The following LRP6 variants were observed in gnomAD, a reference collection of about 807,000 sequenced individuals.
LRP6 encodes low-density lipoprotein receptor-related protein 6.
In LRP6, 43 loss-of-function variants were observed where a neutral mutation model predicts 184.1. The observed-to-expected ratio is 0.23, with a 90% CI of 0.18 to 0.30. The LOEUF (loss-of-function observed/expected upper bound fraction) is 0.30. Ranked by LOEUF, LRP6 falls within the 10% of genes least tolerant of loss-of-function variation. LRP6 has a pLI of 1.00. For missense variants in LRP6, 1,571 were observed against 2,005.3 expected, an observed-to-expected ratio of 0.78 and a Z score of 4.14; for synonymous variants, 719 against 684.9, an observed-to-expected ratio of 1.05 and a Z score of -0.78.
chr12:12,230,548 T>C (rs892170203), intron 2 of LRP6, among the ~76,000 whole-genome samples: 44 of 152,132 alleles, frequency 2.9e-4, no homozygotes, highest in African/African-American at 1.0e-3. Context: ...TCATAAATCA[T>C]GTCATGATCC....
intron 1 of LRP6, among the ~76,000 whole-genome samples, chr12:12,259,362 T>C (rs554392819): frequency 7.9e-5 from 12 of 152,256 alleles, no homozygotes; most frequent in African/African-American, 2.9e-4. Flanking sequence ...CATAACTTAA[T>C]GTAGTTTTCT....
At chr12:12,184,266 AG>A in intron 4 of LRP6, among the ~76,000 whole-genome samples, 155 bp from the exon 5 acceptor site, 1 of 152,358 alleles carries the variant, frequency 6.6e-6, no homozygotes, top group African/African-American at 2.4e-5. Context: ...GGAATTAATC[AG>A]TGTGAATTTA....
At chr12:12,222,579 G>C (rs66531650) in intron 2 of LRP6, among the ~76,000 whole-genome samples, 2 of 144,248 alleles carry the variant, frequency 1.4e-5, no homozygotes, top group Non-Finnish European at 3.1e-5. Flanking sequence ...AAAAAAAAAA[G>C]AAAGAAAGAA....
chr12:12,170,141 C>T (rs1260398906), intron 7 of LRP6, among the ~76,000 whole-genome samples: 2 of 152,118 alleles, frequency 1.3e-5, no homozygotes, highest in Non-Finnish European at 2.9e-5. Flanking sequence ...TCAAGACCAG[C>T]CTGGCCAACA....
chr12:12,208,443 A>G (rs943249215), intron 2 of LRP6, among the ~76,000 whole-genome samples: 2 of 152,232 alleles, frequency 1.3e-5, no homozygotes, highest in African/African-American at 2.4e-5. Flanking sequence ...AACATAAACT[A>G]TTTCAAGAAG....
At chr12:12,148,492 C>G (rs1036456574) in intron 14 of LRP6, among the ~76,000 whole-genome samples, 1 of 152,094 alleles carries the variant, frequency 6.6e-6, no homozygotes, top group Non-Finnish European at 1.5e-5. Context: ...AGAAAGCATA[C>G]TAGTTCTCAT....
intron 13 of LRP6, among the ~76,000 whole-genome samples, chr12:12,150,397 G>A (rs530342644): frequency 5.0e-4 from 76 of 152,016 alleles, no homozygotes; most frequent in Admixed American, 9.2e-4. Context: ...TAATGTAACC[G>A]TTATTTATTG....
chr12:12,129,255 T>C (rs1179935191), intron 19 of LRP6, among the ~76,000 whole-genome samples: 1 of 152,204 alleles, frequency 6.6e-6, no homozygotes, highest in African/African-American at 2.4e-5. Flanking sequence ...ACTTCTGTAT[T>C]GCTTGACCAT....
intron 15 of LRP6, among the ~76,000 whole-genome samples, chr12:12,145,442 T>C (rs1163374396): frequency 6.6e-6 from 1 of 152,028 alleles, no homozygotes; most frequent in African/African-American, 2.4e-5. Context: ...GCTCCAGACT[T>C]GAGATATATT....
At chr12:12,235,843 G>A (rs969144696) in intron 2 of LRP6, among the ~76,000 whole-genome samples, 1 of 152,202 alleles carries the variant, frequency 6.6e-6, no homozygotes, top group Admixed American at 6.5e-5. Context: ...ACTCCTTGGA[G>A]AAATAGTTGA....
intron 3 of LRP6, among the ~76,000 whole-genome samples, chr12:12,195,414 C>T (rs529505996): frequency 6.6e-6 from 1 of 152,012 alleles, no homozygotes; most frequent in Non-Finnish European, 1.5e-5. Context: ...GATGATACTT[C>T]ATTGTGAATT....
chr12:12,138,818 A>G, intron 15 of LRP6: 4 of 1,422,792 alleles, frequency 2.8e-6, no homozygotes, highest in Non-Finnish European at 3.8e-6. Flanking sequence ...GAAAAACCCT[A>G]ACTTATATAT....
chr12:12,203,486 G>T, intron 2 of LRP6, 86 bp from the exon 3 acceptor site: 1 of 1,115,578 alleles, frequency 9.0e-7, no homozygotes. Context: ...GAAAGCTCAG[G>T]CCGCGCGCAG....
intron 15 of LRP6, among the ~76,000 whole-genome samples, chr12:12,140,760 T>C (rs78340098): frequency 4.9e-4 from 75 of 152,210 alleles, no homozygotes; most frequent in African/African-American, 1.8e-3. Context: ...CCCGTCACCA[T>C]GCCAGGCTAA....
At chr12:12,126,324 T>C (rs1949670632) in intron 20 of LRP6, among the ~76,000 whole-genome samples, 1 of 152,214 alleles carries the variant, frequency 6.6e-6, no homozygotes, top group Non-Finnish European at 1.5e-5. Context: ...TTGGCCTCCT[T>C]TTATTCATGG....
At chr12:12,168,993 C>A (rs11831610) in intron 7 of LRP6, among the ~76,000 whole-genome samples, 13,971 of 152,050 alleles carry the variant, frequency 0.092, 717 homozygotes, top group Admixed American at 0.12. Context: ...CTTTGGGAGG[C>A]CAAGGCAGGA....
intron 7 of LRP6, among the ~76,000 whole-genome samples, chr12:12,179,379 TAGATATAG>T (rs1863281629): frequency 3.4e-5 from 2 of 58,012 alleles, no homozygotes; most frequent in Non-Finnish European, 8.9e-5. Context: ...GATATAGATA[TAGATATAG>T]ATATAGATAT....
chr12:12,251,742 G>C (rs1211335248), intron 1 of LRP6, among the ~76,000 whole-genome samples: 1 of 152,150 alleles, frequency 6.6e-6, no homozygotes, highest in Non-Finnish European at 1.5e-5. Flanking sequence ...AGAAGGCAAA[G>C]ATTGTGTCTT....
chr12:12,257,779 CAAAAA>C (rs1163180718), intron 1 of LRP6, among the ~76,000 whole-genome samples: 2,413 of 35,002 alleles, frequency 0.069, 3 homozygotes, highest in Middle Eastern at 0.23. Context: ...CCTGTCTCTA[CAAAAA>C]AAAAAAAAAA....
Sources: allele counts gnomAD v4.1 joint callset (sites outside exome capture counted in the v4.1 genomes callset), GRCh38; gene constraint gnomAD v4.1.1; transcripts MANE v1.5; gene names NCBI Gene and HGNC (gene_info 2026-07-23, HGNC 2026-07-21).